The following NFIB variants were observed in gnomAD, a reference collection of about 807,000 sequenced individuals.
The protein encoded by NFIB is nuclear factor I B, also known as nuclear factor 1 B-type.
NFIB carries 11 observed loss-of-function variants against 61.5 expected under a neutral mutation model. That is an observed-to-expected ratio of 0.18 (90% CI 0.11 to 0.30). The LOEUF (loss-of-function observed/expected upper bound fraction) is 0.30. Among genes scored for constraint, NFIB ranks in the 10% least tolerant of loss-of-function variants. The pLI, the probability that NFIB is intolerant of heterozygous loss-of-function variation, is 1.00. For missense variants in NFIB, 471 were observed against 608.9 expected, an observed-to-expected ratio of 0.77 and a Z score of 2.38; for synonymous variants, 260 against 216.5, an observed-to-expected ratio of 1.20 and a Z score of -1.76.
At chr9:14,513,157 G>C in the NFIB span, among the ~76,000 whole-genome samples, 1 of 151,792 alleles carries the variant, frequency 6.6e-6, no homozygotes, top group Non-Finnish European at 1.5e-5. Flanking sequence ...TTATGTATTC[G>C]TTTGTTTTCT....
Position 14,186,665 on chromosome 9 carries a change from T to A in NFIB, c.563-6885A>T, listed in dbSNP as rs1318589432. On this transcript the variant is annotated intron_variant, in intron 2 of 10. Coordinates refer to ENST00000380953, the MANE Select transcript of NFIB (RefSeq NM_001190737.2). ...TCCCCTCTCTCTGCCCAAAGTTTTC[T>A]ACCTCACTCTTTGCAGTTTACTGTC... Among the ~76,000 whole-genome samples, 3 of 152,090 alleles carry A rather than the reference T, an allele frequency of 2.0e-5. No individual in the cohort carries two copies. In the East Asian group the frequency reaches 5.8e-4, roughly 29 times the overall value.
At chr9:14,167,981 T>G (rs1008962619) in intron 3 of NFIB, among the ~76,000 whole-genome samples, 1 of 152,168 alleles carries the variant, frequency 6.6e-6, no homozygotes, top group Non-Finnish European at 1.5e-5. Context: ...CAATTCTCAG[T>G]CAGATACCTC....
intron 1 of NFIB, among the ~76,000 whole-genome samples, chr9:14,349,558 A>G (rs914080152): frequency 5.9e-5 from 9 of 152,080 alleles, no homozygotes; most frequent in Non-Finnish European, 1.2e-4. Context: ...TTGGGGTCCA[A>G]AGGGAAGAAA....
At chr9:14,364,613 C>T (rs1208451380) in intron 1 of NFIB, among the ~76,000 whole-genome samples, 1 of 152,174 alleles carries the variant, frequency 6.6e-6, no homozygotes, top group African/African-American at 2.4e-5. Context: ...TCTTTGATTT[C>T]ATTCCTACAT....
At chr9:14,153,384 T>G (rs1205622488) in intron 4 of NFIB, among the ~76,000 whole-genome samples, 1 of 152,090 alleles carries the variant, frequency 6.6e-6, no homozygotes, top group Non-Finnish European at 1.5e-5. Context: ...TAAGAGCCTC[T>G]GGAAGAACTT....
chr9:14,281,880 A>G (rs974161581), intron 2 of NFIB, among the ~76,000 whole-genome samples: 1 of 152,172 alleles, frequency 6.6e-6, no homozygotes, highest in African/African-American at 2.4e-5. Flanking sequence ...TTCAGTGAAC[A>G]TAAGAATGAC....
chr9:14,131,194 A>G, intron 6 of NFIB, among the ~76,000 whole-genome samples: 1 of 152,182 alleles, frequency 6.6e-6, no homozygotes, highest in African/African-American at 2.4e-5. Flanking sequence ...ATTAGCTATG[A>G]CTTTAGAAAC....
chr9:14,088,504 A>C (rs867982799), intron 10 of NFIB, among the ~76,000 whole-genome samples, 178 bp from the exon 11 acceptor site: 3 of 152,188 alleles, frequency 2.0e-5, no homozygotes, highest in Non-Finnish European at 2.9e-5. Context: ...ACACCTATCT[A>C]AACTCTATAG....
Position 14,343,840 on chromosome 9 carries a change from G to T in NFIB, c.109-36320C>A, listed in dbSNP as rs1265074254. On this transcript the variant is annotated intron_variant, in intron 1 of 8. Transcript: ENST00000380934. ...TTGGGGACAAGGGGGGGTCGGGGGGGGAAGTGTGCCAGAAACCTTATAGAA... is the reference window on the plus strand; with the variant it reads ...TTGGGGACAAGGGGGGGTCGGGGGGTGAAGTGTGCCAGAAACCTTATAGAA... 2.6e-5 allele frequency among the ~76,000 whole-genome samples: 4 copies of T among 151,322 alleles called. No individual in the cohort carries two copies. The East Asian group carries it at 5.9e-4, about 22-fold the overall frequency.
chr9:14,298,144 A>G (rs530342773), intron 2 of NFIB, among the ~76,000 whole-genome samples: 53 of 152,332 alleles, frequency 3.5e-4, no homozygotes, highest in African/African-American at 1.2e-3. Context: ...CTATAACATA[A>G]GATGGTATAT....
chr9:14,108,312 T>G (rs1415222703), intron 10 of NFIB, among the ~76,000 whole-genome samples: 1 of 152,092 alleles, frequency 6.6e-6, no homozygotes, highest in Non-Finnish European at 1.5e-5. Flanking sequence ...TTGCCTCTAA[T>G]AAATGACTAC....
intron 6 of NFIB, among the ~76,000 whole-genome samples, chr9:14,142,870 G>C (rs1337133448): frequency 6.6e-6 from 1 of 152,134 alleles, no homozygotes; most frequent in Non-Finnish European, 1.5e-5. Context: ...TAAGCAAGGA[G>C]AAATATTCTG....
chr9:14,153,881 C>T (rs1305665333), intron 4 of NFIB, among the ~76,000 whole-genome samples: 1 of 152,070 alleles, frequency 6.6e-6, no homozygotes, highest in African/African-American at 2.4e-5. Context: ...AGGAGGAGAA[C>T]TTATCAGGCC....
At chr9:14,367,171 A>G (rs1054222582) in intron 1 of NFIB, among the ~76,000 whole-genome samples, 1 of 152,150 alleles carries the variant, frequency 6.6e-6, no homozygotes, top group Non-Finnish European at 1.5e-5. Flanking sequence ...TGGGAATGCA[A>G]AACTATAGAA....
chr9:14,315,667 G>T, upstream of NFIB, among the ~76,000 whole-genome samples: 1 of 150,104 alleles, frequency 6.7e-6, no homozygotes. Context: ...CGCCCGTGCA[G>T]GCTCCGAGTG....
the NFIB span, among the ~76,000 whole-genome samples, chr9:14,423,113 G>C: frequency 5.9e-5 from 9 of 152,058 alleles, no homozygotes; most frequent in African/African-American, 2.2e-4. Context: ...ATTTAATTCA[G>C]AGTGCTACCA....
At chr9:14,531,496 G>A in the NFIB span, among the ~76,000 whole-genome samples, 4 of 152,150 alleles carry the variant, frequency 2.6e-5, no homozygotes, top group East Asian at 5.8e-4. Flanking sequence ...TGAGGGAGCC[G>A]CACACAACAT....
At chr9:14,275,374 G>C (rs2057926866) in intron 2 of NFIB, among the ~76,000 whole-genome samples, 2 of 152,074 alleles carry the variant, frequency 1.3e-5, no homozygotes, top group Admixed American at 1.3e-4. Context: ...TATCAGTTCT[G>C]GGATTTTCGT....
chr9:14,453,010 T>C, the NFIB span, among the ~76,000 whole-genome samples: 95 of 152,310 alleles, frequency 6.2e-4, 1 homozygote, highest in African/African-American at 2.2e-3. Context: ...GATTGCTTTG[T>C]AACGTGGTGC....
Sources: allele counts gnomAD v4.1 joint callset (sites outside exome capture counted in the v4.1 genomes callset), GRCh38; gene constraint gnomAD v4.1.1; transcripts MANE v1.5; gene names NCBI Gene and HGNC (gene_info 2026-07-23, HGNC 2026-07-21).